ARL8B: variants seen among roughly 807,000 people sequenced by gnomAD.
The protein encoded by ARL8B is ARF like GTPase 8B, also known as ADP-ribosylation factor-like protein 8B.
Under a neutral mutation model 30.6 loss-of-function variants are expected in ARL8B, and 9 were observed. The observed-to-expected ratio is 0.29, with a 90% CI of 0.18 to 0.51. The LOEUF (loss-of-function observed/expected upper bound fraction) is 0.51. ARL8B is among the 20% of genes least tolerant of loss of function. The probability of loss-of-function intolerance (pLI) is 0.97; values close to 1 mark genes in which losing one functional copy is unlikely to be tolerated. For missense variants in ARL8B, 130 were observed against 227.2 expected (o/e 0.57, Z 2.75); for synonymous variants, 74 against 76.0 (o/e 0.97, Z 0.14).
intron 1 of ARL8B, among the ~76,000 whole-genome samples, chr3:5,125,733 A>G (rs1206184083): frequency 1.3e-5 from 2 of 152,078 alleles, no homozygotes; most frequent in Admixed American, 6.5e-5. Flanking sequence ...GGGTTTCACC[A>G]TGTTGGGCAG....
At chr3:5,170,396 T>C (rs1366054855) in intron 1 of ARL8B, 107 bp from the exon 2 acceptor site, 4 of 639,948 alleles carry the variant, frequency 6.3e-6, no homozygotes, top group Middle Eastern at 2.6e-4. Flanking sequence ...TTACCAATGG[T>C]AAAAAAATAT....
intron 1 of ARL8B, among the ~76,000 whole-genome samples, chr3:5,130,187 A>ATAT (rs952926864): frequency 6.9e-5 from 9 of 129,680 alleles, no homozygotes; most frequent in South Asian, 4.4e-4. Context: ...CTTAAAAAAA[A>ATAT]ATATATATTT....
Position 5,158,169 on chromosome 3 carries a change from A to C in ARL8B, c.124-12334A>C, listed in dbSNP as rs541845514. Among the ~76,000 whole-genome samples, 8 of 152,178 alleles carry C rather than the reference A, an allele frequency of 5.3e-5. 1 individual carries two copies. The South Asian group carries it at 1.7e-3, about 32-fold the overall frequency. On this transcript the variant is annotated intron_variant, in intron 1 of 6. Coordinates refer to ENST00000256496, the MANE Select transcript of ARL8B (RefSeq NM_018184.3). Reference sequence around the variant, plus strand: ...CGGCTCATTTCTGTATTTTTAGTAGAGGTAGGGTTTCACTATGTTGGCCAG... The same window carrying C: ...CGGCTCATTTCTGTATTTTTAGTAGCGGTAGGGTTTCACTATGTTGGCCAG...
intron 1 of ARL8B, among the ~76,000 whole-genome samples, chr3:5,142,271 G>A (rs2054381266): frequency 6.6e-6 from 1 of 152,168 alleles, no homozygotes; most frequent in Non-Finnish European, 1.5e-5. Flanking sequence ...TACAAGTTGA[G>A]AGTTTTCCCA....
At chr3:5,132,311 G>C (rs1390997913) in intron 1 of ARL8B, among the ~76,000 whole-genome samples, 1 of 151,940 alleles carries the variant, frequency 6.6e-6, no homozygotes, top group Non-Finnish European at 1.5e-5. Flanking sequence ...CTGGAGTGCA[G>C]TGGCGCGATC....
intron 1 of ARL8B, among the ~76,000 whole-genome samples, chr3:5,131,774 C>T (rs2054285717): frequency 6.6e-6 from 1 of 152,186 alleles, no homozygotes; most frequent in African/African-American, 2.4e-5. Flanking sequence ...CCATTATTTT[C>T]TACTCTTAAG....
intron 1 of ARL8B, among the ~76,000 whole-genome samples, chr3:5,147,481 T>A (rs1477069469): frequency 6.6e-6 from 1 of 152,202 alleles, no homozygotes; most frequent in Non-Finnish European, 1.5e-5. Flanking sequence ...TCTCTTAAAA[T>A]GCCCTGGCTT....
chr3:5,140,515 T>C (rs2054364020), intron 1 of ARL8B, among the ~76,000 whole-genome samples: 1 of 152,152 alleles, frequency 6.6e-6, no homozygotes, highest in Non-Finnish European at 1.5e-5. Context: ...GTCTTGGGTA[T>C]GTCTTTATTA....
At chr3:5,151,882 G>A (rs1299291756) in intron 1 of ARL8B, among the ~76,000 whole-genome samples, 1 of 151,990 alleles carries the variant, frequency 6.6e-6, no homozygotes, top group African/African-American at 2.4e-5. Context: ...ACACGACCAC[G>A]TCTGGCTAAT....
intron 1 of ARL8B, among the ~76,000 whole-genome samples, chr3:5,168,041 A>G (rs2054639220): frequency 6.6e-6 from 1 of 151,966 alleles, no homozygotes. Flanking sequence ...GAGTTCCAGC[A>G]TTTTCCTCCT....
At chr3:5,154,617 T>A (rs1007134318) in intron 1 of ARL8B, among the ~76,000 whole-genome samples, 3 of 152,200 alleles carry the variant, frequency 2.0e-5, no homozygotes, top group Admixed American at 6.5e-5. Flanking sequence ...ATTACTGCTA[T>A]CCATCTCCAG....
intron 1 of ARL8B, among the ~76,000 whole-genome samples, chr3:5,141,951 A>G (rs1467260767): frequency 1.3e-5 from 2 of 152,256 alleles, no homozygotes; most frequent in East Asian, 1.9e-4. Context: ...CCCAGCAGCT[A>G]TTTGGTTTTG....
At chr3:5,177,611 G>A (rs766322547) in intron 6 of ARL8B, among the ~76,000 whole-genome samples, 1 of 151,748 alleles carries the variant, frequency 6.6e-6, no homozygotes, top group Non-Finnish European at 1.5e-5. Context: ...GCCCGCTGCC[G>A]TGCTCGGCTA....
intron 1 of ARL8B, among the ~76,000 whole-genome samples, chr3:5,164,104 A>G (rs1575571986): frequency 1.3e-5 from 2 of 152,044 alleles, no homozygotes; most frequent in Admixed American, 1.3e-4. Flanking sequence ...CACCCCCTAT[A>G]TATTAGGTGT....
At chr3:5,172,548 CA>C in intron 3 of ARL8B, 98 bp from the exon 4 acceptor site, 2 of 836,146 alleles carry the variant, frequency 2.4e-6, no homozygotes, top group Non-Finnish European at 3.8e-6. Context: ...TTAATAATTT[CA>C]ATAATGTAAA....
At chr3:5,148,008 G>C (rs932864883) in intron 1 of ARL8B, among the ~76,000 whole-genome samples, 6 of 151,398 alleles carry the variant, frequency 4.0e-5, no homozygotes, top group Admixed American at 6.6e-5. Context: ...ATCCCATTTG[G>C]GGTCAACGTT....
intron 1 of ARL8B, among the ~76,000 whole-genome samples, chr3:5,154,052 T>G (rs979688310): frequency 2.0e-4 from 31 of 152,204 alleles, no homozygotes; most frequent in African/African-American, 7.2e-4. Flanking sequence ...GCTTTTAAGA[T>G]ATTTTCTTGT....
intron 1 of ARL8B, among the ~76,000 whole-genome samples, chr3:5,129,867 CTCTTT>C: frequency 6.6e-6 from 1 of 152,146 alleles, no homozygotes; most frequent in South Asian, 2.1e-4. Flanking sequence ...TTCTCTCTCT[CTCTTT>C]TTTGTTTTTC....
chr3:5,122,325 T>C lies in ARL8B; in HGVS notation c.-141T>C. The C allele has an allele frequency of 6.5e-7, 1 of 1,527,434 alleles. No homozygotes were observed. Among genetic ancestry groups the C allele is most frequent in the African/African-American group, 1.4e-5 (1 of 72,578 alleles). The allele number at this position is 1,527,434 out of a possible 1,614,324, so 94.6% of individuals were successfully genotyped here. A position where few individuals can be genotyped will look rare whatever the true frequency, so the allele number is the denominator to read the frequency against. On this transcript the variant is annotated 5_prime_UTR_variant, in exon 1 of 7. Transcript: ENST00000256496. Reference sequence around the variant, plus strand: ...CGCTCGGCTTCCTGGGTCTGGCTGCTGCCGCCCGCCGGTGTCCGCCCGTGT... The same window carrying C: ...CGCTCGGCTTCCTGGGTCTGGCTGCCGCCGCCCGCCGGTGTCCGCCCGTGT...
Sources: gnomAD v4.1 joint callset for allele counts (sites outside exome capture counted in the v4.1 genomes callset) on GRCh38, gnomAD v4.1.1 for gene constraint, MANE v1.5 for transcripts, NCBI Gene and HGNC (gene_info 2026-07-23, HGNC 2026-07-21) for gene names.